ALPK2: variants seen among roughly 807,000 people sequenced by gnomAD.
The protein encoded by ALPK2 is alpha-protein kinase 2.
Under a neutral mutation model 163.1 loss-of-function variants are expected in ALPK2, and 127 were observed. The ratio of observed to expected loss-of-function variants is 0.78; its 90% CI spans 0.67 to 0.90. The LOEUF (loss-of-function observed/expected upper bound fraction) is 0.90. Ranked by LOEUF, ALPK2 falls within the 40% of genes least tolerant of loss-of-function variation. The pLI is 0.00. For synonymous variants in ALPK2, 953 were observed against 959.1 expected (o/e 0.99, Z 0.12); for missense variants, 2,360 against 2,589.6 (o/e 0.91, Z 1.92).
rs551991698 is a variant in ALPK2 at position 58,556,186 on chromosome 18, C to T, written c.1963-17962G>A. The stretch of plus-strand genomic sequence containing the variant: ...ACTAGATCTCACACACACACACACA[C>T]GCACACACAATTCATGAGGTATGCA... On this transcript the variant is annotated intron_variant, in intron 4 of 12. Transcript: ENST00000361673. Among the ~76,000 whole-genome samples the T allele has an allele frequency of 1.8e-4, 27 of 152,092 alleles. No homozygotes were observed. The East Asian group carries it at 4.1e-3, about 23-fold the overall frequency.
At chr18:58,498,230 C>T in intron 11 of ALPK2, 133 bp from the exon 12 acceptor site, 1 of 766,560 alleles carries the variant, frequency 1.3e-6, no homozygotes, top group East Asian at 2.6e-5. Context: ...CTCGAGGCCT[C>T]TTTCATATAC....
intron 11 of ALPK2, among the ~76,000 whole-genome samples, chr18:58,500,924 A>T (rs2051428678): frequency 6.6e-6 from 1 of 152,182 alleles, no homozygotes; most frequent in South Asian, 2.1e-4. Context: ...AACCTGCAGG[A>T]CCTGGCATAA....
chr18:58,501,593 T>C (rs1284738641), intron 11 of ALPK2, among the ~76,000 whole-genome samples: 3 of 152,126 alleles, frequency 2.0e-5, no homozygotes, highest in Non-Finnish European at 2.9e-5. Context: ...GAAGTAAATA[T>C]CTTGCAAATT....
Position 58,536,600 on chromosome 18 carries a change from A to G in ALPK2, c.3587T>C (p.Val1196Ala). The G allele has an allele frequency of 1.2e-6, 2 of 1,614,138 alleles. No individual in the cohort carries two copies. The highest frequency in any genetic ancestry group is 3.3e-5 in the Admixed American group (2 of 60,028). Residue 1196 changes from valine (V) to alanine (A), a missense_variant, in exon 5 of 13, where the codon GTG becomes GCG. Val to Ala is a moderately conservative substitution (Grantham distance 64). Coordinates refer to ENST00000361673, the MANE Select transcript of ALPK2 (RefSeq NM_052947.4). ...RSGWGTRVSV[V>A]AETAGEEDSQ... ...GTCTTCTTCCCCAGCAGTTTCAGCCACCACGGAGACCCTCGTCCCCCAACC... is the reference window on the plus strand; with the variant it reads ...GTCTTCTTCCCCAGCAGTTTCAGCCGCCACGGAGACCCTCGTCCCCCAACC...
At chr18:58,518,306 C>G (rs2051532957) in intron 8 of ALPK2, among the ~76,000 whole-genome samples, 2 of 152,162 alleles carry the variant, frequency 1.3e-5, no homozygotes. Flanking sequence ...TGAAACTATT[C>G]TGATCGGGTA....
intron 4 of ALPK2, among the ~76,000 whole-genome samples, chr18:58,571,196 A>G (rs554802045): frequency 6.6e-6 from 1 of 151,964 alleles, no homozygotes; most frequent in Admixed American, 6.6e-5. Context: ...TAATTTTTGT[A>G]TTTTTAGTAG....
intron 4 of ALPK2, chr18:58,566,526 C>T (rs912452848): frequency 3.9e-5 from 6 of 152,204 alleles, no homozygotes; most frequent in African/African-American, 1.4e-4. Flanking sequence ...GGCCATGTCT[C>T]GCATTCAGCT....
chr18:58,626,622 G>A (rs1401773821), intron 1 of ALPK2, among the ~76,000 whole-genome samples: 1 of 152,034 alleles, frequency 6.6e-6, no homozygotes, highest in East Asian at 1.9e-4. Flanking sequence ...ATTCCCAGAG[G>A]ATGTTGATAA....
rs538536113 is a variant in ALPK2, at chr18:58,568,763, AAGT to A, written c.1962+10048_1962+10050del. Among the ~76,000 whole-genome samples the A allele has an allele frequency of 9.2e-5, 14 of 152,362 alleles. No individual in the cohort carries two copies. In the South Asian group the frequency reaches 2.7e-3, roughly 29 times the overall value. On this transcript the variant is annotated intron_variant, in intron 4 of 12. Coordinates refer to ENST00000361673, the MANE Select transcript of ALPK2 (RefSeq NM_052947.4). Reference sequence around the variant, plus strand: ...GCATTTACATTGTATTAGGTGTTATAAGTAATTGGAGATGATTTGAAGTGAACA... The same window carrying A: ...GCATTTACATTGTATTAGGTGTTATAAATTGGAGATGATTTGAAGTGAACA...
At chr18:58,538,409 A>G (rs1441394650) in intron 4 of ALPK2, 185 bp from the exon 5 acceptor site, 3 of 597,040 alleles carry the variant, frequency 5.0e-6, no homozygotes, top group Non-Finnish European at 8.3e-6. Context: ...TGCAAATTTA[A>G]GCAACTCTGT....
chr18:58,493,764 G>A (rs887656459), intron 12 of ALPK2, among the ~76,000 whole-genome samples: 4 of 152,092 alleles, frequency 2.6e-5, no homozygotes, highest in Admixed American at 2.0e-4. Flanking sequence ...AAGCCTCGTC[G>A]TTCCTTCCTC....
Position 58,538,047 on chromosome 18 carries a change from T to C in ALPK2, c.2140A>G (p.Thr714Ala), listed in dbSNP as rs1457430087. Residue 714 changes from threonine (T) to alanine (A), a missense_variant, in exon 5 of 13, where the codon ACC becomes GCC. Coordinates refer to ENST00000361673, the MANE Select transcript of ALPK2 (RefSeq NM_052947.4). ...LAQHSEVKPC[T>A]CGPQHEEKQD... is the part of the protein sequence containing the mutation. Reference sequence around the variant, plus strand: ...TTTTCTTCATGCTGTGGACCACAGGTACAGGGTTTGACCTCCGAGTGTTGA... The same window carrying C: ...TTTTCTTCATGCTGTGGACCACAGGCACAGGGTTTGACCTCCGAGTGTTGA... The C allele has an allele frequency of 2.5e-6, 4 of 1,614,012 alleles. No homozygotes were observed. The African/African-American group carries it at 4.0e-5, about 16-fold the overall frequency.
At position 58,540,928 on chromosome 18, in the gene ALPK2, C is replaced by T. The variant is rs143095797; in HGVS notation, c.1963-2704G>A. On this transcript the variant is annotated intron_variant, in intron 4 of 12. Transcript: ENST00000361673. ...ACTATTACATCAGCAAAGTAATAAG[C>T]GGGTACCTAGAAGAGACTGACCTCT... 6.6e-3 allele frequency among the ~76,000 whole-genome samples: 1,005 copies of T among 152,234 alleles called. 11 individuals are homozygous for T. The South Asian group carries it at 0.068, about 10-fold the overall frequency.
intron 4 of ALPK2, among the ~76,000 whole-genome samples, chr18:58,550,724 AC>A (rs2051754109): frequency 6.6e-6 from 1 of 150,808 alleles, no homozygotes; most frequent in Admixed American, 6.6e-5. Context: ...ATCACGTACA[AC>A]CCCATCCCCA....
chr18:58,539,514 C>T (rs907109014), intron 4 of ALPK2, among the ~76,000 whole-genome samples: 1 of 152,146 alleles, frequency 6.6e-6, no homozygotes, highest in Non-Finnish European at 1.5e-5. Context: ...TTGATTATTT[C>T]AAAACAAAGA....
intron 3 of ALPK2, among the ~76,000 whole-genome samples, chr18:58,589,601 A>T (rs1306849963): frequency 6.6e-6 from 1 of 152,150 alleles, no homozygotes; most frequent in Admixed American, 6.5e-5. Flanking sequence ...CATCAAAATG[A>T]TATACTCTTC....
chr18:58,509,168 A>C (rs1763458523), intron 10 of ALPK2, among the ~76,000 whole-genome samples: 1 of 151,700 alleles, frequency 6.6e-6, no homozygotes, highest in South Asian at 2.1e-4. Flanking sequence ...GTTTGCTGAG[A>C]ATGATGGTTT....
intron 1 of ALPK2, among the ~76,000 whole-genome samples, chr18:58,616,565 G>C (rs944204690): frequency 2.6e-5 from 4 of 152,132 alleles, no homozygotes; most frequent in Non-Finnish European, 5.9e-5. Context: ...AACCCAAAAG[G>C]ACAGGGTCTG....
At position 58,482,609 on chromosome 18, in the gene ALPK2, C is replaced by T. The variant is rs570446179; in HGVS notation, c.6297-570G>A. Among the ~76,000 whole-genome samples the T allele has an allele frequency of 7.2e-5, 11 of 152,288 alleles. No homozygotes were observed. In the East Asian group the frequency reaches 1.5e-3, roughly 21 times the overall value. ...TTTCTCCTACAGCAGAGCTCACTCC[C>T]CTGGCAGCCCGCTTTGTCCCCAGGA... On this transcript the variant is annotated intron_variant, in intron 12 of 12. Coordinates refer to ENST00000361673, the MANE Select transcript of ALPK2 (RefSeq NM_052947.4).
Sources: gnomAD v4.1 joint callset for allele counts (sites outside exome capture counted in the v4.1 genomes callset) on GRCh38, gnomAD v4.1.1 for gene constraint, MANE v1.5 for transcripts, NCBI Gene and HGNC (gene_info 2026-07-23, HGNC 2026-07-21) for gene names.